The following PHLDB2 variants were observed in gnomAD, a reference collection of about 807,000 sequenced individuals.
PHLDB2 encodes the protein pleckstrin homology like domain family B member 2.
In PHLDB2, 71 loss-of-function variants were observed where a neutral mutation model predicts 123.6. That is an observed-to-expected ratio of 0.57 (90% CI 0.47 to 0.70). PHLDB2 has a LOEUF of 0.70. PHLDB2 is among the 30% of genes least tolerant of loss of function. The pLI is 0.00. For synonymous variants in PHLDB2, 547 were observed against 541.6 expected, an observed-to-expected ratio of 1.01 and a Z score of -0.14; for missense variants, 1,446 against 1,519.5, an observed-to-expected ratio of 0.95 and a Z score of 0.80.
At chr3:111,807,526 C>T (rs1287585865) in intron 1 of PHLDB2, among the ~76,000 whole-genome samples, 1 of 151,994 alleles carries the variant, frequency 6.6e-6, no homozygotes, top group South Asian at 2.1e-4. Flanking sequence ...GCCCAGGAGG[C>T]CTGGGCCACA....
chr3:111,800,521 C>T (rs571311685), intron 1 of PHLDB2, among the ~76,000 whole-genome samples: 15 of 152,262 alleles, frequency 9.9e-5, no homozygotes, highest in African/African-American at 3.6e-4. Flanking sequence ...GGGCAAATGT[C>T]CTAATTTCTT....
intron 1 of PHLDB2, among the ~76,000 whole-genome samples, chr3:111,813,110 TG>T (rs2061916188): frequency 6.6e-6 from 1 of 152,222 alleles, no homozygotes. Flanking sequence ...AGACTCCAGC[TG>T]AATGGACACT....
chr3:111,881,045 C>CT (rs1038966823), intron 1 of PHLDB2, among the ~76,000 whole-genome samples: 1 of 152,090 alleles, frequency 6.6e-6, no homozygotes, highest in Non-Finnish European at 1.5e-5. Context: ...ATAGGTATGC[C>CT]TTTTTTATAG....
At chr3:111,818,156 T>A (rs1041610029) in intron 1 of PHLDB2, among the ~76,000 whole-genome samples, 8 of 128,496 alleles carry the variant, frequency 6.2e-5, no homozygotes, top group East Asian at 2.1e-4. Context: ...AGAAATTTTT[T>A]AAAAAACTGG....
chr3:111,908,203 G>T lies in PHLDB2; in HGVS notation c.1336-5116G>T, dbSNP rs114816220. On this transcript the variant is annotated intron_variant, in intron 2 of 17. Coordinates refer to ENST00000431670, the MANE Select transcript of PHLDB2 (RefSeq NM_001134438.2). ...CCCTAAACAAAGACACTGCAGCTGAGTATGACATAGATAATCTCCCAGAAG... is the reference window on the plus strand; with the variant it reads ...CCCTAAACAAAGACACTGCAGCTGATTATGACATAGATAATCTCCCAGAAG... 1.7e-3 allele frequency among the ~76,000 whole-genome samples: 263 copies of T among 152,262 alleles called. 1 individual carries two copies. The highest frequency in any genetic ancestry group is 6.2e-3 in the African/African-American group (257 of 41,546).
intron 1 of PHLDB2, among the ~76,000 whole-genome samples, chr3:111,751,168 G>GGT (rs35962012): frequency 0.079 from 11,439 of 143,966 alleles, 688 homozygotes; most frequent in East Asian, 0.36. Context: ...GAGACAATGG[G>GGT]GTGTGTGTGT....
chr3:111,898,182 T>TGTTTGTGTGTGTGTGTGTGTG (rs1553747095), intron 2 of PHLDB2, among the ~76,000 whole-genome samples: 1 of 142,552 alleles, frequency 7.0e-6, no homozygotes, highest in African/African-American at 2.7e-5. Context: ...GTGTGTGTGT[T>TGTTTGTGTGTGTGTGTGTGTG]TGTGTGTGTG....
At chr3:111,973,303 T>C (rs1471703484) in intron 16 of PHLDB2, among the ~76,000 whole-genome samples, 10 of 152,230 alleles carry the variant, frequency 6.6e-5, no homozygotes, top group Admixed American at 6.5e-4. Flanking sequence ...GAAAATTATT[T>C]TAAATAACAA....
rs751833890 is a variant in PHLDB2, at chr3:111,939,615, C to A, written c.2271C>A (p.Asn757Lys). 6.2e-7 allele frequency: 1 copy of A among 1,607,728 alleles called. No individual in the cohort carries two copies. The highest frequency in any genetic ancestry group is 1.1e-5 in the South Asian group (1 of 89,202). ...GTGAAGTTGCTGAATATCAACGGAA[C>A]ATCGTTTCTAGAAAGGTACTTTTTC... ...LLREVAEYQR[N>K]IVSRKEKISA... Residue 757 changes from asparagine (N) to lysine (K), a missense_variant, in exon 7 of 18, where the codon AAC (asparagine) becomes AAA (lysine). Asn to Lys is a moderately conservative substitution (Grantham distance 94, BLOSUM62 0). Coordinates refer to ENST00000431670, the MANE Select transcript of PHLDB2 (RefSeq NM_001134438.2).
At position 111,826,586 on chromosome 3, in the gene PHLDB2, A is replaced by G. The variant is rs550583015; in HGVS notation, c.-48-19235A>G. 4.6e-5 allele frequency among the ~76,000 whole-genome samples: 7 copies of G among 152,306 alleles called. No individual in the cohort carries two copies. In the South Asian group the frequency reaches 1.5e-3, roughly 32 times the overall value. On this transcript the variant is annotated intron_variant, in intron 1 of 17. Coordinates refer to the PHLDB2 transcript ENST00000393923. ...AGCTAAACAAAGAATTGAACCCTAC[A>G]TTTTCTATCAGGTAAGTAGAGTTCT...
upstream of PHLDB2, among the ~76,000 whole-genome samples, chr3:111,857,443 C>A (rs2064562599): frequency 2.8e-5 from 3 of 106,428 alleles, no homozygotes; most frequent in Non-Finnish European, 3.9e-5. Context: ...AAAGTGAGGC[C>A]CTGTCTCAAA....
At chr3:111,931,810 C>T (rs2069165676) in intron 5 of PHLDB2, among the ~76,000 whole-genome samples, 1 of 152,172 alleles carries the variant, frequency 6.6e-6, no homozygotes, top group Non-Finnish European at 1.5e-5. Flanking sequence ...CAGTTAATTC[C>T]AAAACTTGCC....
At position 111,885,178 on chromosome 3, in the gene PHLDB2, A is replaced by C. The variant is rs1359370697; in HGVS notation, c.1101A>C (p.Ser367=). 2.5e-6 allele frequency: 4 copies of C among 1,614,040 alleles called. No homozygotes were observed. The highest frequency in any genetic ancestry group is 3.4e-6 in the Non-Finnish European group (4 of 1,180,020). The change falls in exon 2 of 18, where the codon TCA becomes TCC. Residue 367 remains serine, a synonymous_variant. Transcript: ENST00000431670. The stretch of plus-strand genomic sequence containing the variant: ...ATGTGGGGACAAACCCGAGTCATTC[A>C]CTTCTTGCTGGAGAGTCAGACAGAG... The part of the protein sequence containing the change: ...ASYVGTNPSH[S]LLAGESDRVF...
chr3:111,791,255 C>T (rs1275668826), intron 1 of PHLDB2, among the ~76,000 whole-genome samples: 1 of 152,174 alleles, frequency 6.6e-6, no homozygotes, highest in Non-Finnish European at 1.5e-5. Flanking sequence ...TTCACACGCC[C>T]TGCTATGAAC....
chr3:111,776,700 C>A (rs1463401125), intron 1 of PHLDB2, among the ~76,000 whole-genome samples: 2 of 152,094 alleles, frequency 1.3e-5, no homozygotes, highest in Non-Finnish European at 2.9e-5. Context: ...TACAGTTCCC[C>A]CTTGATGTTT....
chr3:111,791,100 A>G (rs1223593022), intron 1 of PHLDB2, among the ~76,000 whole-genome samples: 1 of 152,254 alleles, frequency 6.6e-6, no homozygotes, highest in Admixed American at 6.5e-5. Context: ...ATCAATATTT[A>G]GATAGCTTCC....
chr3:111,953,767 A>G (rs1018593708), intron 11 of PHLDB2, 163 bp from the exon 12 acceptor site: 1 of 525,094 alleles, frequency 1.9e-6, no homozygotes, highest in African/African-American at 1.9e-5. Flanking sequence ...CGGGAGGGCC[A>G]GTAACTGGCC....
At chr3:111,843,869 T>A (rs1001101372) in intron 1 of PHLDB2, among the ~76,000 whole-genome samples, 6 of 152,222 alleles carry the variant, frequency 3.9e-5, no homozygotes, top group Admixed American at 3.9e-4. Flanking sequence ...GAAGTTTATA[T>A]TTCAACAGTT....
chr3:111,974,796 A>G lies in PHLDB2; in HGVS notation c.*233A>G. ...AAGCTTCCATGAGAAAGAAAACACTATTTTGATAAATTGGATCACTTATAG... is the reference window on the plus strand; with the variant it reads ...AAGCTTCCATGAGAAAGAAAACACTGTTTTGATAAATTGGATCACTTATAG... On this transcript the variant is annotated 3_prime_UTR_variant, in exon 18 of 18. Coordinates refer to ENST00000431670, the MANE Select transcript of PHLDB2 (RefSeq NM_001134438.2). 1 of 332,742 alleles carries G rather than the reference A, an allele frequency of 3.0e-6. No individual in the cohort carries two copies. The highest frequency in any genetic ancestry group is 4.9e-5 in the East Asian group (1 of 20,462). The allele number at this position is 332,742 out of a possible 1,614,324, so 20.6% of individuals were successfully genotyped here.
Sources: allele counts gnomAD v4.1 joint callset (sites outside exome capture counted in the v4.1 genomes callset), GRCh38; gene constraint gnomAD v4.1.1; transcripts MANE v1.5; gene names NCBI Gene and HGNC (gene_info 2026-07-23, HGNC 2026-07-21).